Variants in DGKB observed in about 807,000 individuals in gnomAD.
DGKB encodes 90 kDa diacylglycerol kinase.
DGKB carries 67 observed loss-of-function variants against 114.3 expected under a neutral mutation model. The observed-to-expected ratio is 0.59, with a 90% CI of 0.48 to 0.72. The LOEUF is 0.72. DGKB is among the 30% of genes least tolerant of loss of function. DGKB has a pLI of 0.00. For missense variants in DGKB, 907 were observed against 975.2 expected (o/e 0.93, Z 0.93); for synonymous variants, 398 against 323.1 (o/e 1.23, Z -2.49).
At chr7:14,946,407 TTAATA>T (rs1785882287) in intron 1 of DGKB, among the ~76,000 whole-genome samples, 1 of 151,770 alleles carries the variant, frequency 6.6e-6, no homozygotes, top group South Asian at 2.1e-4. Context: ...CACTGTCTTC[TTAATA>T]TATTTCTTTG....
intron 23 of DGKB, among the ~76,000 whole-genome samples, chr7:14,301,578 G>A (rs1300947266): frequency 1.3e-5 from 2 of 152,076 alleles, no homozygotes; most frequent in Non-Finnish European, 2.9e-5. Flanking sequence ...GTTACTTATT[G>A]TAATAAGAAC....
intron 23 of DGKB, among the ~76,000 whole-genome samples, chr7:14,200,186 T>A (rs1785623501): frequency 6.6e-6 from 1 of 152,110 alleles, no homozygotes; most frequent in Admixed American, 6.6e-5. Context: ...TTCTCTTATG[T>A]TGCCAGTCCT....
intron 12 of DGKB, among the ~76,000 whole-genome samples, chr7:14,678,945 T>C (rs1820357056): frequency 6.6e-6 from 1 of 151,980 alleles, no homozygotes; most frequent in Non-Finnish European, 1.5e-5. Flanking sequence ...CTTCAAACTT[T>C]TTTTCCAGTG....
intron 17 of DGKB, among the ~76,000 whole-genome samples, chr7:14,588,464 T>C (rs765178272): frequency 6.6e-6 from 1 of 152,060 alleles, no homozygotes; most frequent in Non-Finnish European, 1.5e-5. Context: ...TCTCTTAAAA[T>C]GTCAGTTTTA....
intron 20 of DGKB, among the ~76,000 whole-genome samples, chr7:14,553,781 G>A (rs971678742): frequency 1.3e-5 from 2 of 151,012 alleles, no homozygotes; most frequent in African/African-American, 4.9e-5. Flanking sequence ...CTCCTCACAT[G>A]CTGGAGGTAT....
intron 23 of DGKB, among the ~76,000 whole-genome samples, chr7:14,247,573 T>C (rs769039466): frequency 1.3e-5 from 2 of 152,132 alleles, no homozygotes; most frequent in African/African-American, 2.4e-5. Context: ...TCATTGTGAT[T>C]TTGATTTGCA....
At chr7:14,533,656 C>T (rs1563427284) in intron 20 of DGKB, among the ~76,000 whole-genome samples, 3 of 151,708 alleles carry the variant, frequency 2.0e-5, no homozygotes, top group Non-Finnish European at 4.4e-5. Flanking sequence ...AAGGCAAAGA[C>T]AAAGAGAGAA....
intron 23 of DGKB, among the ~76,000 whole-genome samples, chr7:14,294,310 G>A (rs1009859101): frequency 3.3e-5 from 5 of 152,078 alleles, no homozygotes; most frequent in African/African-American, 4.8e-5. Flanking sequence ...GTAACATAAT[G>A]TATTCATAGA....
intron 20 of DGKB, among the ~76,000 whole-genome samples, chr7:14,498,178 T>C (rs1254279893): frequency 6.6e-6 from 1 of 151,858 alleles, no homozygotes; most frequent in African/African-American, 2.4e-5. Context: ...AAGCAAACAA[T>C]AATTGTCCTA....
At chr7:14,459,002 T>C (rs1044420310) in intron 21 of DGKB, among the ~76,000 whole-genome samples, 3 of 152,250 alleles carry the variant, frequency 2.0e-5, no homozygotes, top group East Asian at 1.9e-4. Context: ...CCTGGGATGC[T>C]CCAGCTTGGT....
chr7:14,379,581 A>G (rs1206984928), intron 21 of DGKB, among the ~76,000 whole-genome samples: 1 of 151,332 alleles, frequency 6.6e-6, no homozygotes, highest in Non-Finnish European at 1.5e-5. Context: ...GTTTTTTGAG[A>G]TGGAGTCTTA....
At chr7:14,264,893 A>G (rs934810555) in intron 23 of DGKB, among the ~76,000 whole-genome samples, 2 of 152,166 alleles carry the variant, frequency 1.3e-5, no homozygotes, top group African/African-American at 2.4e-5. Context: ...AACTACTAAA[A>G]TGTGTGAAGG....
intron 16 of DGKB, among the ~76,000 whole-genome samples, chr7:14,612,126 T>C (rs1299295306): frequency 1.4e-5 from 2 of 143,760 alleles, no homozygotes; most frequent in Admixed American, 1.4e-4. Context: ...CATAACTATA[T>C]ACTGATGAAA....
intron 23 of DGKB, among the ~76,000 whole-genome samples, chr7:14,228,884 C>CTGTGTGTG (rs71548072): frequency 0.18 from 27,323 of 148,592 alleles, 2,583 homozygotes; most frequent in Non-Finnish European, 0.21. Flanking sequence ...AGTTTTTTTT[C>CTGTGTGTG]TGTGTGTGTG....
intron 17 of DGKB, among the ~76,000 whole-genome samples, chr7:14,596,757 T>C (rs1802649104): frequency 6.6e-6 from 1 of 152,194 alleles, no homozygotes; most frequent in South Asian, 2.1e-4. Flanking sequence ...CCAATTTTTC[T>C]GGTTAATACC....
intron 20 of DGKB, among the ~76,000 whole-genome samples, chr7:14,538,443 T>C (rs1358908303): frequency 6.6e-6 from 1 of 152,192 alleles, no homozygotes; most frequent in Non-Finnish European, 1.5e-5. Flanking sequence ...AGATATCGCC[T>C]TATTCCTGTC....
At chr7:14,974,769 A>G (rs1391325306) in exon 1 of DGKB, 2 of 152,122 alleles carry the variant, frequency 1.3e-5, no homozygotes, top group African/African-American at 4.8e-5. Context: ...GTAAGGTACT[A>G]ATTTATGTAC....
At chr7:14,244,937 C>T (rs753056468) in intron 23 of DGKB, among the ~76,000 whole-genome samples, 2 of 152,070 alleles carry the variant, frequency 1.3e-5, no homozygotes, top group African/African-American at 2.4e-5. Context: ...TTTGTTATAA[C>T]AGCCCAAATA....
At chr7:14,155,635 C>A (rs1009881103) in intron 25 of DGKB, among the ~76,000 whole-genome samples, 1 of 151,978 alleles carries the variant, frequency 6.6e-6, no homozygotes, top group Non-Finnish European at 1.5e-5. Context: ...CCAATGGGAA[C>A]AGAGTGGAGG....
Sources: allele counts gnomAD v4.1 joint callset (sites outside exome capture counted in the v4.1 genomes callset), GRCh38; gene constraint gnomAD v4.1.1; transcripts MANE v1.5; gene names NCBI Gene and HGNC (gene_info 2026-07-23, HGNC 2026-07-21).